The following CCDC88A variants were observed in gnomAD, a reference collection of about 807,000 sequenced individuals.
CCDC88A encodes coiled-coil and HOOK domain protein 88A, also known as girdin.
In CCDC88A, 54 loss-of-function variants were observed where a neutral mutation model predicts 234.3. The observed-to-expected ratio is 0.23, with a 90% confidence interval of 0.19 to 0.29. The LOEUF (loss-of-function observed/expected upper bound fraction) is 0.29. CCDC88A is among the 10% of genes least tolerant of loss of function. CCDC88A has a pLI of 1.00. For missense variants in CCDC88A, 1,832 were observed against 2,123.4 expected, an observed-to-expected ratio of 0.86 and a Z score of 2.70; for synonymous variants, 753 against 737.8, an observed-to-expected ratio of 1.02 and a Z score of -0.33.
chr2:55,334,318 C>G lies in CCDC88A; in HGVS notation c.2503G>C (p.Glu835Gln), dbSNP rs773692562. 1 of 1,486,830 alleles carries G rather than the reference C, an allele frequency of 6.7e-7. No homozygotes were observed. The highest frequency in any genetic ancestry group is 2.5e-5 in the Admixed American group (1 of 39,834). 92.1% of individuals were successfully genotyped at this position (1,486,830 alleles called of 1,614,324 possible). The change falls in exon 15 of 33, where the codon GAG (glutamate) becomes CAG (glutamine). Residue 835 changes from glutamate (E) to glutamine (Q), a missense_variant. This residue lies in a region of CCDC88A where 1,282 missense variants were observed against 1,543.6 expected (regional missense o/e 0.83). Transcript: ENST00000436346. This position sits in a 1 kb window ranked among gnomAD's most constrained non-coding sequence, Gnocchi z 6.1. ...TGTCGGAGTCTCTTATTTTCCTTCT[C>G]CAATTGTTTCTTATCCTTTTCCAGT... is the stretch of plus-strand genomic sequence containing the variant. Reference protein sequence around the residue: ...SQLEKDKKQLEKENKRLRQQA... With the variant: ...SQLEKDKKQLQKENKRLRQQA...
At chr2:55,400,359 C>T (rs1678400270) in intron 2 of CCDC88A, among the ~76,000 whole-genome samples, 1 of 152,158 alleles carries the variant, frequency 6.6e-6, no homozygotes. Flanking sequence ...AATTTCAAGT[C>T]AACCATCTTC....
chr2:55,398,426 G>A (rs1677997863), intron 2 of CCDC88A, among the ~76,000 whole-genome samples: 1 of 152,102 alleles, frequency 6.6e-6, no homozygotes, highest in African/African-American at 2.4e-5. Flanking sequence ...TAACCATTAA[G>A]CACTCTCGGC....
At chr2:55,418,121 A>G (rs1681776874) in intron 2 of CCDC88A, 1 of 152,184 alleles carries the variant, frequency 6.6e-6, no homozygotes, top group Non-Finnish European at 1.5e-5. Flanking sequence ...CTTAGTACAA[A>G]CCCAATATTA....
chr2:55,295,201 T>C, intron 31 of CCDC88A: 7 of 1,317,130 alleles, frequency 5.3e-6, no homozygotes, highest in Non-Finnish European at 6.0e-6. Context: ...TTACTGTTAC[T>C]AGGGTTCTGA....
chr2:55,313,231 G>A (rs1201302633), intron 22 of CCDC88A: 1 of 152,176 alleles, frequency 6.6e-6, no homozygotes, highest in East Asian at 1.9e-4. Flanking sequence ...ACCACACCCA[G>A]CTAGTTTTGT....
At chr2:55,384,580 T>A (rs573335203) in intron 3 of CCDC88A, among the ~76,000 whole-genome samples, 1 of 84,646 alleles carries the variant, frequency 1.2e-5, no homozygotes, top group Non-Finnish European at 2.2e-5. Flanking sequence ...CGTATATATG[T>A]GTATATATAC....
chr2:55,346,148 T>A, intron 10 of CCDC88A, 27 bp downstream of exon 10: 1 of 1,527,964 alleles, frequency 6.5e-7, no homozygotes, highest in South Asian at 1.3e-5. Context: ...GAAAAAAAAA[T>A]CATGAATGGT....
At chr2:55,398,399 G>A (rs1380452293) in intron 2 of CCDC88A, among the ~76,000 whole-genome samples, 1 of 152,080 alleles carries the variant, frequency 6.6e-6, no homozygotes, top group Non-Finnish European at 1.5e-5. Context: ...TAAACTATCT[G>A]TACTTAGAGC....
At chr2:55,380,061 TAAAAAAAAAAAAA>T (rs57314271) in intron 3 of CCDC88A, among the ~76,000 whole-genome samples, 1 of 75,368 alleles carries the variant, frequency 1.3e-5, no homozygotes, top group Non-Finnish European at 2.3e-5. Flanking sequence ...CTGTCTCTAC[TAAAAAAAAAAAAA>T]AAAAAAAAAA....
Position 55,309,258 on chromosome 2 carries a change from T to C in CCDC88A, c.4080-4A>G. The C allele has an allele frequency of 7.7e-7, 1 of 1,298,950 alleles. No individual in the cohort carries two copies. The highest frequency in any genetic ancestry group is 1.1e-6 in the Non-Finnish European group (1 of 917,982). 80.5% of individuals were successfully genotyped at this position (1,298,950 alleles called of 1,614,324 possible). On this transcript the variant is annotated splice_polypyrimidine_tract_variant and splice_region_variant and intron_variant, in intron 23 of 32. Transcript: ENST00000436346. This position sits in a 1 kb window ranked among gnomAD's most constrained non-coding sequence, Gnocchi z 5.1. ...TCTTAATTCATTTAACTTATCACTATAAAATAAAAATTACCTTTTAGGACA... is the reference window on the plus strand; with the variant it reads ...TCTTAATTCATTTAACTTATCACTACAAAATAAAAATTACCTTTTAGGACA...
intron 2 of CCDC88A, among the ~76,000 whole-genome samples, chr2:55,393,289 GTTTTTTTTT>G (rs558827055): frequency 4.9e-5 from 3 of 61,658 alleles, no homozygotes; most frequent in Non-Finnish European, 5.4e-5. Context: ...GGTTTTTTGG[GTTTTTTTTT>G]TTTTTTTTTT....
intron 5 of CCDC88A, among the ~76,000 whole-genome samples, chr2:55,368,496 T>A (rs549919003): frequency 2.4e-4 from 36 of 151,496 alleles, no homozygotes; most frequent in Non-Finnish European, 3.4e-4. Flanking sequence ...TAAAAAAAAA[T>A]TTTTTTTTGT....
At chr2:55,367,739 A>G (rs1170151166) in intron 5 of CCDC88A, among the ~76,000 whole-genome samples, 3 of 152,120 alleles carry the variant, frequency 2.0e-5, no homozygotes, top group Admixed American at 1.3e-4. Context: ...ATCATTGATA[A>G]GTAAACAATA....
In CCDC88A at chr2:55,363,965, G is replaced by C; in HGVS notation, c.471C>G (p.Ala157=). ...GLDFDTKAAV[A]AHIQEVTHNQ... is the part of the protein sequence containing the mutation. ...ATGTCATTACCTCTTGAATATGTGC[G>C]GCAACCGCTGCTTTTGTATCAAAAT... is the stretch of plus-strand genomic sequence containing the variant. Residue 157 remains alanine, a synonymous_variant, in exon 6 of 33, where the codon GCC becomes GCG. Coordinates refer to ENST00000436346, the MANE Select transcript of CCDC88A (RefSeq NM_001365480.1). 2 of 1,593,584 alleles carry C rather than the reference G, an allele frequency of 1.3e-6. No homozygotes were observed. The highest frequency in any genetic ancestry group is 1.7e-4 in the Middle Eastern group (1 of 5,990).
chr2:55,417,322 A>G (rs1285510168), intron 2 of CCDC88A: 3 of 152,070 alleles, frequency 2.0e-5, no homozygotes, highest in African/African-American at 7.2e-5. Flanking sequence ...CTTCCGTCTA[A>G]AAATAAGCAC....
intron 23 of CCDC88A, among the ~76,000 whole-genome samples, chr2:55,311,074 C>T (rs1315225571): frequency 6.6e-6 from 1 of 152,172 alleles, no homozygotes; most frequent in Non-Finnish European, 1.5e-5. Context: ...ATGTATTAGT[C>T]ACCAAGGGTC....
chr2:55,381,570 A>AT (rs1486513751), intron 3 of CCDC88A, among the ~76,000 whole-genome samples: 1 of 151,652 alleles, frequency 6.6e-6, no homozygotes, highest in African/African-American at 2.4e-5. Context: ...AAAAAAAAAA[A>AT]AAAGTGCACA....
intron 10 of CCDC88A, 103 bp downstream of exon 10, chr2:55,346,072 G>C: frequency 2.7e-6 from 2 of 741,408 alleles, no homozygotes; most frequent in Admixed American, 2.6e-5. Context: ...TTTACTGTTT[G>C]TTCACCATTT....
intron 2 of CCDC88A, chr2:55,404,221 C>G (rs916273864): frequency 1.3e-5 from 2 of 152,162 alleles, no homozygotes; most frequent in African/African-American, 2.4e-5. Context: ...ACAATGTCTT[C>G]TAATTAATGA....
Sources: gnomAD v4.1 joint callset for allele counts (sites outside exome capture counted in the v4.1 genomes callset) on GRCh38, gnomAD v4.1.1 for gene constraint, gnomAD v4.1.1 regional missense constraint, Gnocchi (gnomAD v3.1) non-coding constraint, MANE v1.5 for transcripts, NCBI Gene and HGNC (gene_info 2026-07-23, HGNC 2026-07-21) for gene names.